CPQ: variants seen among roughly 807,000 people sequenced by gnomAD.
CPQ encodes Ser-Met dipeptidase.
In CPQ, 37 loss-of-function variants were observed where a neutral mutation model predicts 45.7. The ratio of observed to expected loss-of-function variants is 0.81; its 90% CI spans 0.62 to 1.07. The LOEUF (loss-of-function observed/expected upper bound fraction) is 1.07, where lower values mean the gene tolerates loss of function less well. Among genes scored for constraint, CPQ ranks in the 50% least tolerant of loss-of-function variants. The pLI is 0.00. For synonymous variants in CPQ, 186 were observed against 205.8 expected (o/e 0.90, Z 0.82); for missense variants, 537 against 572.9 (o/e 0.94, Z 0.64).
intron 1 of CPQ, among the ~76,000 whole-genome samples, chr8:96,779,537 AAC>A (rs2130804744): frequency 6.6e-6 from 1 of 152,226 alleles, no homozygotes; most frequent in African/African-American, 2.4e-5. Flanking sequence ...TGGGAATCAA[AAC>A]ACAGGTCTTG....
intron 1 of CPQ, among the ~76,000 whole-genome samples, chr8:96,651,088 G>T (rs4407847): frequency 0.58 from 87,416 of 151,998 alleles, 27,626 homozygotes; most frequent in Non-Finnish European, 0.71. Context: ...TCTGGAGCTG[G>T]ATCCTCTAAT....
At chr8:97,017,428 A>G (rs1461471148) in intron 5 of CPQ, among the ~76,000 whole-genome samples, 1 of 152,206 alleles carries the variant, frequency 6.6e-6, no homozygotes, top group Non-Finnish European at 1.5e-5. Flanking sequence ...GGGGGAGGGC[A>G]TGAATCCAGT....
At chr8:97,052,060 G>A (rs981394591) in intron 6 of CPQ, among the ~76,000 whole-genome samples, 9 of 152,130 alleles carry the variant, frequency 5.9e-5, no homozygotes, top group Non-Finnish European at 8.8e-5. Context: ...TCAGTATCCC[G>A]TCAGTGGTCC....
At position 96,723,449 on chromosome 8, in the gene CPQ, GGTTT is replaced by G. The variant is rs530559407; in HGVS notation, c.-34-61410_-34-61407del. On this transcript the variant is annotated intron_variant, in intron 1 of 7. Coordinates refer to ENST00000220763, the MANE Select transcript of CPQ (RefSeq NM_016134.4). ...TTTTCACTACTCCCTCCACCCCTTTGGTTTGTTTTATGTGATAGAACCCTCTTAG... is the reference window on the plus strand; with the variant it reads ...TTTTCACTACTCCCTCCACCCCTTTGGTTTTATGTGATAGAACCCTCTTAG... Among the ~76,000 whole-genome samples the G allele has an allele frequency of 1.1e-3, 173 of 152,034 alleles. 1 individual carries two copies. The highest frequency in any genetic ancestry group is 3.8e-3 in the African/African-American group (159 of 41,470).
At chr8:97,108,961 G>A (rs1269957641) in intron 7 of CPQ, among the ~76,000 whole-genome samples, 5 of 152,148 alleles carry the variant, frequency 3.3e-5, no homozygotes, top group Non-Finnish European at 7.4e-5. Context: ...TGTCACCACC[G>A]TTCAGCTCAT....
chr8:97,017,272 C>T (rs1196793128), intron 5 of CPQ, among the ~76,000 whole-genome samples: 3 of 152,142 alleles, frequency 2.0e-5, no homozygotes, highest in African/African-American at 4.8e-5. Flanking sequence ...TCGCTGGCTC[C>T]CCTAGCAAGC....
chr8:96,960,390 A>G lies in CPQ; in HGVS notation c.850-5545A>G, dbSNP rs533159759. ...TTTAGAACAGTTGAAATAGAACAAG[A>G]TCAATCTGACATCTAATGTTTGGTT... On this transcript the variant is annotated intron_variant, in intron 4 of 7. Coordinates refer to ENST00000220763, the MANE Select transcript of CPQ (RefSeq NM_016134.4). Among the ~76,000 whole-genome samples the G allele has an allele frequency of 5.4e-4, 82 of 152,336 alleles. 1 individual carries two copies. Among genetic ancestry groups the G allele is most frequent in the African/African-American group, 1.9e-3 (79 of 41,580 alleles).
chr8:97,079,406 A>G (rs1052044676), intron 7 of CPQ, among the ~76,000 whole-genome samples: 2 of 152,210 alleles, frequency 1.3e-5, no homozygotes, highest in East Asian at 1.9e-4. Flanking sequence ...GTTGTTTACT[A>G]TGTGTCAAAA....
At chr8:96,910,402 C>T (rs1472361943) in intron 4 of CPQ, among the ~76,000 whole-genome samples, 1 of 152,184 alleles carries the variant, frequency 6.6e-6, no homozygotes, top group Non-Finnish European at 1.5e-5. Context: ...AATGAATAAC[C>T]ACAATGGTTA....
chr8:96,651,275 A>C (rs1354331420), intron 1 of CPQ, among the ~76,000 whole-genome samples: 1 of 152,242 alleles, frequency 6.6e-6, no homozygotes, highest in African/African-American at 2.4e-5. Context: ...GTTAGACCAC[A>C]AGAAAGTCAT....
intron 2 of CPQ, among the ~76,000 whole-genome samples, chr8:96,815,033 A>C (rs964352979): frequency 6.6e-6 from 1 of 152,042 alleles, no homozygotes; most frequent in Non-Finnish European, 1.5e-5. Context: ...GCAGATGGGG[A>C]GTGATTATTA....
chr8:97,031,612 G>A (rs778814620), intron 6 of CPQ, among the ~76,000 whole-genome samples: 1 of 152,216 alleles, frequency 6.6e-6, no homozygotes, highest in Non-Finnish European at 1.5e-5. Flanking sequence ...TTTCTGTAAT[G>A]TGAGTTTCAC....
At chr8:97,112,051 C>T (rs1563583475) in intron 7 of CPQ, among the ~76,000 whole-genome samples, 1 of 152,158 alleles carries the variant, frequency 6.6e-6, no homozygotes, top group Non-Finnish European at 1.5e-5. Context: ...CTTATTTTCC[C>T]TTTCCAGCTT....
chr8:97,008,686 G>A (rs1223849573), intron 5 of CPQ, among the ~76,000 whole-genome samples: 1 of 152,164 alleles, frequency 6.6e-6, no homozygotes, highest in Non-Finnish European at 1.5e-5. Context: ...TATTATATAT[G>A]TGACCATAAG....
intron 6 of CPQ, among the ~76,000 whole-genome samples, chr8:97,043,493 G>T (rs1443072363): frequency 3.9e-5 from 6 of 152,134 alleles, no homozygotes; most frequent in Non-Finnish European, 5.9e-5. Flanking sequence ...TACATTTAAA[G>T]ATAATATTGT....
intron 1 of CPQ, among the ~76,000 whole-genome samples, chr8:96,704,644 GA>G (rs1191485976): frequency 6.6e-6 from 1 of 152,074 alleles, no homozygotes; most frequent in Admixed American, 6.6e-5. Flanking sequence ...TGAGTCTAGA[GA>G]GGTAGGAGAG....
At chr8:96,654,649 T>C (rs1179345627) in intron 1 of CPQ, among the ~76,000 whole-genome samples, 1 of 152,200 alleles carries the variant, frequency 6.6e-6, no homozygotes, top group Non-Finnish European at 1.5e-5. Flanking sequence ...CATTGTCTAA[T>C]ATGAAAATAA....
At chr8:96,888,831 G>T (rs563519719) in intron 4 of CPQ, among the ~76,000 whole-genome samples, 2 of 152,226 alleles carry the variant, frequency 1.3e-5, no homozygotes, top group African/African-American at 4.8e-5. Context: ...ATGTTTTAGT[G>T]TTTTTTATTA....
chr8:97,078,868 G>T (rs1202924075), intron 7 of CPQ, among the ~76,000 whole-genome samples: 1 of 143,290 alleles, frequency 7.0e-6, no homozygotes, highest in Non-Finnish European at 1.5e-5. Flanking sequence ...TACATTCATA[G>T]CTCACTGCAA....
Sources: gnomAD v4.1 joint callset for allele counts (sites outside exome capture counted in the v4.1 genomes callset) on GRCh38, gnomAD v4.1.1 for gene constraint, MANE v1.5 for transcripts, NCBI Gene and HGNC (gene_info 2026-07-23, HGNC 2026-07-21) for gene names.